GCSAML: variants seen among roughly 807,000 people sequenced by gnomAD.
GCSAML encodes the protein germinal center associated signaling and motility like.
In GCSAML, 9 loss-of-function variants were observed where a neutral mutation model predicts 13.0. The observed-to-expected ratio is 0.69, with a 90% CI of 0.42 to 1.21. The LOEUF (loss-of-function observed/expected upper bound fraction) is 1.21. Ranked by LOEUF, GCSAML falls within the 50% of genes most tolerant of loss-of-function variation. The probability of loss-of-function intolerance (pLI) is 0.00; values close to 1 mark genes in which losing one functional copy is unlikely to be tolerated. For missense variants in GCSAML, 143 were observed against 153.4 expected, an observed-to-expected ratio of 0.93 and a Z score of 0.36; for synonymous variants, 37 against 52.9, an observed-to-expected ratio of 0.70 and a Z score of 1.31.
At chr1:247,531,867 G>A (rs1239516540) in intron 2 of GCSAML, 2 of 1,614,232 alleles carry the variant, frequency 1.2e-6, no homozygotes, top group Non-Finnish European at 1.7e-6. Flanking sequence ...AAGAGACCAG[G>A]ATGAGCCCCA....
In GCSAML at chr1:247,526,724, G is replaced by A. The variant is rs1666696623; in HGVS notation, c.-262-216G>A. Reference sequence around the variant, plus strand: ...ATGATCCAGGTTTTCTGTCCTGTGAGAAGCCATCAAAGCCTATGGTTGCTG... The same window carrying A: ...ATGATCCAGGTTTTCTGTCCTGTGAAAAGCCATCAAAGCCTATGGTTGCTG... On this transcript the variant is annotated intron_variant, in intron 1 of 5. Coordinates refer to the GCSAML transcript ENST00000366489. This position sits in a 1 kb window ranked among gnomAD's most constrained non-coding sequence, Gnocchi z 4.8. 2.8e-6 allele frequency: 1 copy of A among 356,208 alleles called. No individual in the cohort carries two copies. The highest frequency in any genetic ancestry group is 5.5e-6 in the Non-Finnish European group (1 of 183,382). 22.1% of individuals were successfully genotyped at this position (356,208 alleles called of 1,614,324 possible). A position where few individuals can be genotyped will look rare whatever the true frequency, so the allele number is the denominator to read the frequency against.
chr1:247,560,428 G>A (rs1298475529), intron 2 of GCSAML, among the ~76,000 whole-genome samples: 3 of 152,110 alleles, frequency 2.0e-5, no homozygotes, highest in Admixed American at 6.6e-5. Context: ...CTTAGTGAAC[G>A]TAATTCCACT....
At chr1:247,554,630 G>A (rs898263694) in intron 1 of GCSAML, among the ~76,000 whole-genome samples, 1 of 151,984 alleles carries the variant, frequency 6.6e-6, no homozygotes, top group African/African-American at 2.4e-5. Flanking sequence ...ATTTTATTCT[G>A]TGTTTTTAGA....
At position 247,563,006 on chromosome 1, in the gene GCSAML, A is replaced by ATTT. The variant is rs35205676; in HGVS notation, c.90-570_90-568dup. On this transcript the variant is annotated intron_variant, in intron 2 of 4. Coordinates refer to ENST00000366488, the MANE Select transcript of GCSAML (RefSeq NM_145278.5). ...AAGTGCATGCCACCGTACCCAGCTC[A>ATTT]TTTTTTTTTTTTTTTTGTATTTTAG... is the stretch of plus-strand genomic sequence containing the variant. Among the ~76,000 whole-genome samples, 353 of 134,654 alleles carry ATTT rather than the reference A, an allele frequency of 2.6e-3. 2 individuals are homozygous for ATTT. The highest frequency in any genetic ancestry group is 3.8e-3 in the Non-Finnish European group (241 of 63,738). 88.3% of individuals were successfully genotyped at this position (134,654 alleles called of 152,430 possible). A position where few individuals can be genotyped will look rare whatever the true frequency, so the allele number is the denominator to read the frequency against.
intron 2 of GCSAML, chr1:247,529,683 TG>T (rs1422091261): frequency 6.6e-6 from 1 of 151,460 alleles, no homozygotes; most frequent in Non-Finnish European, 1.5e-5. Flanking sequence ...GCCCAGTTTT[TG>T]TTCAAACACA....
chr1:247,566,181 T>C (rs920919320), intron 4 of GCSAML, among the ~76,000 whole-genome samples: 1 of 152,216 alleles, frequency 6.6e-6, no homozygotes, highest in African/African-American at 2.4e-5. Flanking sequence ...GTATTTCAAC[T>C]GATCGAGATG....
intron 4 of GCSAML, among the ~76,000 whole-genome samples, chr1:247,567,329 C>G (rs1668423207): frequency 6.6e-6 from 1 of 151,872 alleles, no homozygotes. Context: ...CCTCCCCTTG[C>G]CCCCCACACC....
At chr1:247,515,173 T>G (rs1178530949) in intron 1 of GCSAML, among the ~76,000 whole-genome samples, 5 of 152,200 alleles carry the variant, frequency 3.3e-5, no homozygotes, top group Non-Finnish European at 5.9e-5. Context: ...AACTAGAATA[T>G]GTGGACTATG....
intron 4 of GCSAML, among the ~76,000 whole-genome samples, chr1:247,572,684 G>A (rs1668663863): frequency 6.6e-6 from 1 of 152,238 alleles, no homozygotes; most frequent in South Asian, 2.1e-4. Flanking sequence ...ATGAGGGTCA[G>A]CGACCCACTT....
intron 1 of GCSAML, among the ~76,000 whole-genome samples, chr1:247,508,791 G>T (rs899573671): frequency 1.5e-4 from 23 of 152,202 alleles, no homozygotes; most frequent in African/African-American, 5.5e-4. Flanking sequence ...GCTTGTTTTT[G>T]TCAGGTTTGT....
intron 4 of GCSAML, among the ~76,000 whole-genome samples, chr1:247,573,578 C>T (rs1271299211): frequency 1.3e-5 from 2 of 152,176 alleles, no homozygotes; most frequent in Non-Finnish European, 2.9e-5. Flanking sequence ...ATGCAGAAAT[C>T]ACCCGCCTTC....
intron 1 of GCSAML, chr1:247,524,659 A>C (rs1288682462): frequency 1.3e-5 from 2 of 152,226 alleles, no homozygotes; most frequent in South Asian, 4.1e-4. Flanking sequence ...AATAATGAAC[A>C]GTCCCACAAC....
At chr1:247,532,081 C>G in intron 2 of GCSAML, 1 of 1,614,012 alleles carries the variant, frequency 6.2e-7, no homozygotes, top group South Asian at 1.1e-5. Context: ...CAAAGCTAGC[C>G]CAAGGCAAAG....
chr1:247,570,574 T>C (rs1668565724), intron 4 of GCSAML, among the ~76,000 whole-genome samples: 1 of 152,174 alleles, frequency 6.6e-6, no homozygotes, highest in African/African-American at 2.4e-5. Context: ...TCTGAGAGAC[T>C]TTTTGTTATG....
intron 1 of GCSAML, chr1:247,518,539 G>A (rs1666301637): frequency 6.6e-6 from 1 of 152,380 alleles, no homozygotes; most frequent in Non-Finnish European, 1.5e-5. Context: ...CACGCTGAGA[G>A]GACGAGAAAG....
chr1:247,556,511 G>A (rs1667957081), intron 2 of GCSAML, 45 bp downstream of exon 2: 10 of 1,411,378 alleles, frequency 7.1e-6, no homozygotes, highest in Non-Finnish European at 9.9e-6. Flanking sequence ...GTTTTGTTTT[G>A]TTTTTTCATT....
intron 3 of GCSAML, among the ~76,000 whole-genome samples, chr1:247,565,179 G>T (rs1013598444): frequency 3.3e-5 from 5 of 152,102 alleles, no homozygotes; most frequent in Admixed American, 3.3e-4. Context: ...CTAACACGGT[G>T]AAACCCCGTC....
chr1:247,522,743 C>T (rs1297639421), intron 1 of GCSAML, among the ~76,000 whole-genome samples: 1 of 152,096 alleles, frequency 6.6e-6, no homozygotes, highest in Admixed American at 6.5e-5. Flanking sequence ...TCACCACTCC[C>T]TAATCTCAAG....
intron 4 of GCSAML, among the ~76,000 whole-genome samples, chr1:247,567,892 C>G (rs2103067887): frequency 6.6e-6 from 1 of 152,292 alleles, no homozygotes; most frequent in South Asian, 2.1e-4. Context: ...GATGGTATCT[C>G]ATTGTGGTTT....
Sources: gnomAD v4.1 joint callset for allele counts (sites outside exome capture counted in the v4.1 genomes callset) on GRCh38, gnomAD v4.1.1 for gene constraint, Gnocchi (gnomAD v3.1) non-coding constraint, MANE v1.5 for transcripts, NCBI Gene and HGNC (gene_info 2026-07-23, HGNC 2026-07-21) for gene names.